The following MARCHF1 variants were observed in gnomAD, a reference collection of about 807,000 sequenced individuals.
MARCHF1 encodes the protein membrane associated ring-CH-type finger 1.
Under a neutral mutation model 54.2 loss-of-function variants are expected in MARCHF1, and 40 were observed. The ratio of observed to expected loss-of-function variants is 0.74; its 90% confidence interval spans 0.57 to 0.96. MARCHF1 has a LOEUF of 0.96. Ranked by LOEUF, MARCHF1 falls within the 40% of genes least tolerant of loss-of-function variation. The pLI is 0.00. For synonymous variants in MARCHF1, 236 were observed against 236.3 expected, an observed-to-expected ratio of 1.00 and a Z score of 0.01; for missense variants, 586 against 656.5, an observed-to-expected ratio of 0.89 and a Z score of 1.17.
rs186931357 is a variant in MARCHF1 at position 163,544,589 on chromosome 4, G to A, written c.1339+1007C>T. 1.3e-3 allele frequency among the ~76,000 whole-genome samples: 202 copies of A among 152,298 alleles called. 4 individuals carry two copies. The highest frequency in any genetic ancestry group is 4.7e-3 in the African/African-American group (196 of 41,562). ...CTGGCGTGTGCTGCTGCCACCTAGA[G>A]GGCGAGTGTGAGAATGGAGCCTCCC... On this transcript the variant is annotated intron_variant, in intron 9 of 9. Transcript: ENST00000514618.
chr4:164,121,885 A>AT (rs200180781), intron 1 of MARCHF1, among the ~76,000 whole-genome samples: 2 of 107,774 alleles, frequency 1.9e-5, no homozygotes, highest in Non-Finnish European at 2.2e-5. Flanking sequence ...ACAAAGACAT[A>AT]TTAAAAAAAA....
intron 3 of MARCHF1, among the ~76,000 whole-genome samples, chr4:163,870,991 AT>A (rs1449161193): frequency 6.6e-6 from 1 of 152,202 alleles, no homozygotes; most frequent in Non-Finnish European, 1.5e-5. Flanking sequence ...CAAATTTTGT[AT>A]GTTCCCAACA....
intron 1 of MARCHF1, among the ~76,000 whole-genome samples, chr4:164,362,519 G>A (rs1578900502): frequency 6.6e-6 from 1 of 152,134 alleles, no homozygotes; most frequent in Non-Finnish European, 1.5e-5. Context: ...TTGACACATA[G>A]ATGCCCAAGG....
chr4:163,564,616 A>G (rs1739584249), intron 8 of MARCHF1, among the ~76,000 whole-genome samples: 1 of 152,240 alleles, frequency 6.6e-6, no homozygotes, highest in Non-Finnish European at 1.5e-5. Context: ...AAACTATCTG[A>G]AAACCTAGAT....
At chr4:163,543,646 T>G (rs1403378116) in intron 9 of MARCHF1, among the ~76,000 whole-genome samples, 1 of 151,990 alleles carries the variant, frequency 6.6e-6, no homozygotes, top group African/African-American at 2.4e-5. Flanking sequence ...TCTTGGTTTT[T>G]GGAGATATTT....
chr4:164,183,534 A>T (rs1730887945), intron 1 of MARCHF1, among the ~76,000 whole-genome samples: 1 of 152,164 alleles, frequency 6.6e-6, no homozygotes, highest in South Asian at 2.1e-4. Flanking sequence ...TTAATTTTGA[A>T]TTCCAGAAAA....
At chr4:163,638,149 G>A (rs1177810483) in intron 5 of MARCHF1, among the ~76,000 whole-genome samples, 7 of 148,682 alleles carry the variant, frequency 4.7e-5, no homozygotes, top group Non-Finnish European at 7.4e-5. Flanking sequence ...GCTAGATGAC[G>A]AGTTAGTGGG....
At chr4:163,821,941 C>T (rs577310118) in intron 4 of MARCHF1, among the ~76,000 whole-genome samples, 50 of 151,928 alleles carry the variant, frequency 3.3e-4, no homozygotes, top group African/African-American at 1.1e-3. Flanking sequence ...TCCTCTGTAA[C>T]GTCACCTATA....
chr4:163,592,224 A>T lies in MARCHF1; in HGVS notation c.1011-6295T>A, dbSNP rs141342927. ...ATAAGTTTTGTCATTCTGAATATGT[A>T]CTCTTTTTTACATGTGCAGACGAGT... On this transcript the variant is annotated intron_variant, in intron 7 of 9. Transcript: ENST00000514618. 5.3e-3 allele frequency among the ~76,000 whole-genome samples: 814 copies of T among 152,228 alleles called. 7 individuals carry two copies. The highest frequency in any genetic ancestry group is 0.019 in the African/African-American group (790 of 41,536).
chr4:163,741,275 T>C (rs1374442689), intron 4 of MARCHF1, among the ~76,000 whole-genome samples: 1 of 152,140 alleles, frequency 6.6e-6, no homozygotes, highest in Admixed American at 6.5e-5. Context: ...ACGAGTGTTA[T>C]TGATGTGTTA....
intron 1 of MARCHF1, among the ~76,000 whole-genome samples, chr4:164,259,994 C>T (rs374326358): frequency 1.3e-5 from 2 of 152,114 alleles, no homozygotes; most frequent in East Asian, 1.9e-4. Context: ...GAGGGTAGAA[C>T]ATTGATAGTT....
At chr4:163,896,336 T>A (rs540853458) in intron 3 of MARCHF1, among the ~76,000 whole-genome samples, 7 of 152,332 alleles carry the variant, frequency 4.6e-5, no homozygotes, top group Admixed American at 2.6e-4. Flanking sequence ...AGGCTGAATT[T>A]TGATTCCAGC....
At chr4:164,197,619 T>C in intron 1 of MARCHF1, 1 of 1,613,082 alleles carries the variant, frequency 6.2e-7, no homozygotes, top group Non-Finnish European at 8.5e-7. Context: ...CGAGTTTGCC[T>C]TCATTCGACC....
chr4:164,274,659 C>CTTTTTTTT (rs70952617), intron 1 of MARCHF1, among the ~76,000 whole-genome samples: 1 of 44,642 alleles, frequency 2.2e-5, no homozygotes, highest in Non-Finnish European at 4.8e-5. Flanking sequence ...TCAGGGTACA[C>CTTTTTTTT]TTTTTTTTTT....
At chr4:163,738,594 C>CA (rs1018332890) in intron 4 of MARCHF1, among the ~76,000 whole-genome samples, 31 of 152,216 alleles carry the variant, frequency 2.0e-4, no homozygotes, top group African/African-American at 5.8e-4. Context: ...TTTATGTGTC[C>CA]AATAAAGGGC....
At chr4:164,032,801 C>G (rs1753906101) in intron 2 of MARCHF1, among the ~76,000 whole-genome samples, 1 of 151,892 alleles carries the variant, frequency 6.6e-6, no homozygotes, top group Non-Finnish European at 1.5e-5. Flanking sequence ...AGAGGATTAA[C>G]TACCTTAAAA....
At chr4:163,721,637 C>T (rs1318961040) in intron 4 of MARCHF1, among the ~76,000 whole-genome samples, 9 of 152,050 alleles carry the variant, frequency 5.9e-5, no homozygotes, top group Admixed American at 1.3e-4. Context: ...TGGTAGAATT[C>T]GGCTGTAAAT....
chr4:163,671,519 C>T (rs1743735047), intron 5 of MARCHF1, among the ~76,000 whole-genome samples: 1 of 152,144 alleles, frequency 6.6e-6, no homozygotes, highest in African/African-American at 2.4e-5. Flanking sequence ...TATGATATTA[C>T]TCTGATAGTT....
intron 2 of MARCHF1, among the ~76,000 whole-genome samples, chr4:164,085,461 A>G (rs1198758968): frequency 6.6e-6 from 1 of 151,872 alleles, no homozygotes; most frequent in African/African-American, 2.4e-5. Flanking sequence ...TAATGAAACT[A>G]AAGATAAAAA....
Sources: allele counts gnomAD v4.1 joint callset (sites outside exome capture counted in the v4.1 genomes callset), GRCh38; gene constraint gnomAD v4.1.1; transcripts MANE v1.5; gene names NCBI Gene and HGNC (gene_info 2026-07-23, HGNC 2026-07-21).